CENPU: variants seen among roughly 807,000 people sequenced by gnomAD.
CENPU encodes the protein KSHV latent nuclear antigen interacting protein 1.
Under a neutral mutation model 56.7 loss-of-function variants are expected in CENPU, and 46 were observed. The ratio of observed to expected loss-of-function variants is 0.81; its 90% confidence interval spans 0.64 to 1.04. CENPU has a LOEUF of 1.04. Ranked by LOEUF, CENPU falls within the 50% of genes least tolerant of loss-of-function variation. CENPU has a pLI of 0.00. For synonymous variants in CENPU, 166 were observed against 163.0 expected, an observed-to-expected ratio of 1.02 and a Z score of -0.14; for missense variants, 510 against 490.1, an observed-to-expected ratio of 1.04 and a Z score of -0.38.
chr4:184,700,075 A>G (rs1760481273), intron 11 of CENPU, among the ~76,000 whole-genome samples: 1 of 152,152 alleles, frequency 6.6e-6, no homozygotes, highest in South Asian at 2.1e-4. Context: ...TAAGCTCAGG[A>G]GCAGACACCA....
At chr4:184,700,930 C>G (rs763900766) in intron 10 of CENPU, 49 bp from the exon 11 acceptor site, 15 of 1,446,990 alleles carry the variant, frequency 1.0e-5, no homozygotes, top group Non-Finnish European at 1.5e-5. Context: ...ACTGTTTGAG[C>G]ACTGCCACAT....
chr4:184,726,590 T>C (rs182832692), intron 3 of CENPU, among the ~76,000 whole-genome samples: 1 of 152,218 alleles, frequency 6.6e-6, no homozygotes, highest in East Asian at 1.9e-4. Context: ...CCTGAAAATA[T>C]AAAATATATA....
chr4:184,694,972 TTAA>T lies in CENPU; in HGVS notation c.*313_*315del, dbSNP rs1760196066. 4 of 482,018 alleles carry T rather than the reference TTAA, an allele frequency of 8.3e-6. No individual in the cohort carries two copies. The South Asian group carries it at 1.2e-4, about 14-fold the overall frequency. The allele number at this position is 482,018 out of a possible 1,614,324, so 29.9% of individuals were successfully genotyped here. A position where few individuals can be genotyped will look rare whatever the true frequency, so the allele number is the denominator to read the frequency against. On this transcript the variant is annotated 3_prime_UTR_variant, in exon 13 of 13. Transcript: ENST00000281453. Reference sequence around the variant, plus strand: ...TGTAAATTCAGGAGAAATCGCCTTATTAATTAATCAAAATTATGTTCACATCAA... The same window carrying T: ...TGTAAATTCAGGAGAAATCGCCTTATTTAATCAAAATTATGTTCACATCAA...
Position 184,702,395 on chromosome 4 carries a change from A to C in CENPU, c.844T>G (p.Tyr282Asp). The C allele has an allele frequency of 1.4e-5, 23 of 1,612,280 alleles. No individual in the cohort carries two copies. The highest frequency in any genetic ancestry group is 1.9e-5 in the Non-Finnish European group (23 of 1,179,504). ...KVCKAAIATF[Y>D]VNVKEQFIKM... ...ATGAATTGTTCTTTAACATTAACAT[A>C]AAATGTGGCGATGGCTGCCTTACAA... Residue 282 changes from tyrosine (Y) to aspartate (D), a missense_variant, in exon 9 of 13, where the codon TAT (tyrosine) becomes GAT (aspartate). Coordinates refer to ENST00000281453, the MANE Select transcript of CENPU (RefSeq NM_024629.4).
chr4:184,702,935 G>A (rs1014571073), intron 8 of CENPU, among the ~76,000 whole-genome samples: 1 of 152,062 alleles, frequency 6.6e-6, no homozygotes. Context: ...AGTATTCCAT[G>A]GTCTATATGT....
intron 1 of CENPU, among the ~76,000 whole-genome samples, chr4:184,732,154 G>C (rs568746218): frequency 1.5e-4 from 23 of 152,158 alleles, no homozygotes; most frequent in African/African-American, 5.1e-4. Flanking sequence ...CATTGCACTG[G>C]ATATACTATG....
rs28524644 is a variant in CENPU at position 184,708,775 on chromosome 4, C to T, written c.797+1297G>A. On this transcript the variant is annotated intron_variant, in intron 8 of 12. Transcript: ENST00000281453. ...AAGTTTTGCAACATAAAGAGTCACA[C>T]TGAGGTGTTGGATGAAATGCTTAAA... 6.7e-3 allele frequency among the ~76,000 whole-genome samples: 1,024 copies of T among 152,194 alleles called. 17 individuals are homozygous for T. The highest frequency in any genetic ancestry group is 0.04 in the South Asian group (192 of 4,826).
In CENPU at chr4:184,730,904, C is replaced by G; in HGVS notation, c.96+16G>C. ...TGTCAATTTTGAGAAAACCACAACA[C>G]AAAAAGGTAACTTACATCTTTCATG... On this transcript the variant is annotated intron_variant, in intron 2 of 12. Coordinates refer to ENST00000281453, the MANE Select transcript of CENPU (RefSeq NM_024629.4). The G allele has an allele frequency of 6.3e-7, 1 of 1,575,178 alleles. No homozygotes were observed. Among genetic ancestry groups the G allele is most frequent in the Non-Finnish European group, 8.6e-7 (1 of 1,167,832 alleles).
Position 184,716,421 on chromosome 4 carries a change from C to T in CENPU, c.594G>A (p.Glu198=), listed in dbSNP as rs1761096620. Residue 198 remains glutamate (E), a synonymous_variant, in exon 6 of 13, where the codon GAG becomes GAA. Coordinates refer to ENST00000281453, the MANE Select transcript of CENPU (RefSeq NM_024629.4). ...PLSAQPSVEK[E]NLAIESQSKT... Reference sequence around the variant, plus strand: ...CCGATTGACTTTCTATTGCCAAGTTCTCTTTTTCAACAGAGGGCTGGGCAC... The same window carrying T: ...CCGATTGACTTTCTATTGCCAAGTTTTCTTTTTCAACAGAGGGCTGGGCAC... 1.2e-6 allele frequency: 2 copies of T among 1,613,858 alleles called. No individual in the cohort carries two copies. Among genetic ancestry groups the T allele is most frequent in the African/African-American group, 1.3e-5 (1 of 74,896 alleles).
At position 184,723,860 on chromosome 4, in the gene CENPU, A is replaced by T. The variant is rs951792794; in HGVS notation, c.320+1097T>A. Among the ~76,000 whole-genome samples the T allele has an allele frequency of 1.1e-4, 16 of 151,580 alleles. No homozygotes were observed. The East Asian group carries it at 2.9e-3, about 28-fold the overall frequency. On this transcript the variant is annotated intron_variant, in intron 4 of 12. Transcript: ENST00000281453. ...CCATCTCAAAAAAAAAAAAAAAAAA[A>T]AAAAAATAAGCTGGAGTCTCCAAAA... is the stretch of plus-strand genomic sequence containing the variant.
chr4:184,702,248 TA>T, intron 9 of CENPU, 112 bp from the exon 10 acceptor site: 1 of 1,233,546 alleles, frequency 8.1e-7, no homozygotes, highest in Non-Finnish European at 1.2e-6. Flanking sequence ...TGAATAGTTC[TA>T]ATGAGTTTAT....
chr4:184,705,597 C>G (rs1760700439), intron 8 of CENPU, among the ~76,000 whole-genome samples: 1 of 151,944 alleles, frequency 6.6e-6, no homozygotes, highest in African/African-American at 2.4e-5. Context: ...AAAGTTGTAA[C>G]TTGTTATTAC....
Position 184,724,968 on chromosome 4 carries a change from T to C in CENPU, c.309A>G (p.Glu103=). ...AAATACACCAGTACCTTCTTTTTGCTTCTTTTCCTGGAGGAGTTGAAGAGA... is the reference window on the plus strand; with the variant it reads ...AAATACACCAGTACCTTCTTTTTGCCTCTTTTCCTGGAGGAGTTGAAGAGA... The part of the protein sequence containing the change: ...LSLSSTPPGK[E]AKRSSDTSGN... The change falls in exon 4 of 13, where the codon GAA becomes GAG. Residue 103 remains glutamate (E), a synonymous_variant. Transcript: ENST00000281453. 1 of 1,607,412 alleles carries C rather than the reference T, an allele frequency of 6.2e-7. No individual in the cohort carries two copies. Among genetic ancestry groups the C allele is most frequent in the South Asian group, 1.1e-5 (1 of 90,220 alleles).
Position 184,724,969 on chromosome 4 carries a change from T to G in CENPU, c.308A>C (p.Glu103Ala). Residue 103 changes from glutamate to alanine, a missense_variant, in exon 4 of 13, where the codon GAA becomes GCA. By Grantham distance (107) the Glu-to-Ala change is moderately radical. Transcript: ENST00000281453. ...LSLSSTPPGKEAKRSSDTSGN... is the reference protein window; with the variant it reads ...LSLSSTPPGKAAKRSSDTSGN... The stretch of plus-strand genomic sequence containing the variant: ...AATACACCAGTACCTTCTTTTTGCT[T>G]CTTTTCCTGGAGGAGTTGAAGAGAG... 6.2e-7 allele frequency: 1 copy of G among 1,608,096 alleles called. No homozygotes were observed. Among genetic ancestry groups the G allele is most frequent in the Non-Finnish European group, 8.5e-7 (1 of 1,176,182 alleles).
At chr4:184,725,136 C>A (rs1761409827) in intron 3 of CENPU, 74 bp from the exon 4 acceptor site, 2 of 789,748 alleles carry the variant, frequency 2.5e-6, no homozygotes, top group Non-Finnish European at 4.1e-6. Flanking sequence ...TATTCCCTTA[C>A]AATGGAGTAC....
At chr4:184,729,645 T>C (rs1238766009) in intron 2 of CENPU, among the ~76,000 whole-genome samples, 1 of 152,236 alleles carries the variant, frequency 6.6e-6, no homozygotes, top group Non-Finnish European at 1.5e-5. Context: ...TGGGCCAGTT[T>C]GCCTAAACCT....
chr4:184,702,465 C>G, intron 8 of CENPU, 24 bp from the exon 9 acceptor site: 2 of 1,558,020 alleles, frequency 1.3e-6, no homozygotes, highest in Non-Finnish European at 1.8e-6. Context: ...AAAAAAAAGT[C>G]TAAGTACCAT....
chr4:184,717,049 T>C, intron 5 of CENPU, 87 bp downstream of exon 5: 1 of 834,458 alleles, frequency 1.2e-6, no homozygotes, highest in Non-Finnish European at 1.9e-6. Context: ...AAAGAGGAAA[T>C]GAAATATTTT....
intron 11 of CENPU, among the ~76,000 whole-genome samples, chr4:184,698,923 T>A (rs1055369171): frequency 2.0e-5 from 3 of 152,220 alleles, no homozygotes; most frequent in Admixed American, 6.5e-5. Context: ...TAGGTTTTCA[T>A]ATGGCAAGTT....
Sources: allele counts gnomAD v4.1 joint callset (sites outside exome capture counted in the v4.1 genomes callset), GRCh38; gene constraint gnomAD v4.1.1; transcripts MANE v1.5; gene names NCBI Gene and HGNC (gene_info 2026-07-23, HGNC 2026-07-21).